RBFOX1: variants seen among roughly 807,000 people sequenced by gnomAD.
The protein encoded by RBFOX1 is RNA binding fox-1 homolog 1, also known as RNA binding protein fox-1 homolog 1.
A neutral mutation model predicts 57.7 loss-of-function variants in RBFOX1; 8 were observed. That is an observed-to-expected ratio of 0.14 (90% CI 0.08 to 0.25). The LOEUF (loss-of-function observed/expected upper bound fraction) is 0.25. RBFOX1 is among the 10% of genes least tolerant of loss of function. RBFOX1 has a pLI of 1.00. For missense variants in RBFOX1, 611 were observed against 548.5 expected (o/e 1.11, Z -1.14); for synonymous variants, 326 against 222.4 (o/e 1.47, Z -4.15).
chr16:6,578,711 A>G (rs1334060209), intron 2 of RBFOX1, among the ~76,000 whole-genome samples: 2 of 151,866 alleles, frequency 1.3e-5, no homozygotes, highest in East Asian at 3.9e-4. Context: ...AAGAAACAGA[A>G]TATTTTCCAT....
intron 3 of RBFOX1, among the ~76,000 whole-genome samples, chr16:5,847,131 T>A (rs367684827): frequency 6.6e-6 from 1 of 152,062 alleles, no homozygotes; most frequent in Non-Finnish European, 1.5e-5. Flanking sequence ...TGGAAGTCAT[T>A]TGAAGAATGA....
chr16:5,693,115 G>C (rs945843585), intron 3 of RBFOX1, among the ~76,000 whole-genome samples: 2 of 152,120 alleles, frequency 1.3e-5, no homozygotes, highest in African/African-American at 4.8e-5. Flanking sequence ...GGACAGACGT[G>C]GGTGTGAGCA....
chr16:6,342,619 G>C (rs1036773386), intron 2 of RBFOX1, among the ~76,000 whole-genome samples: 2 of 152,132 alleles, frequency 1.3e-5, no homozygotes, highest in African/African-American at 4.8e-5. Flanking sequence ...GTCTATTAGA[G>C]AGTTAGGTAT....
intron 1 of RBFOX1, among the ~76,000 whole-genome samples, chr16:5,449,683 A>C (rs1054835237): frequency 6.6e-6 from 1 of 152,188 alleles, no homozygotes; most frequent in African/African-American, 2.4e-5. Flanking sequence ...ATCACAGCTC[A>C]CTGCAACCGC....
intron 4 of RBFOX1, among the ~76,000 whole-genome samples, chr16:7,129,570 G>C (rs2069630537): frequency 6.6e-6 from 1 of 151,932 alleles, no homozygotes; most frequent in South Asian, 2.1e-4. Context: ...TATCTCCTGG[G>C]GAAAAAAATT....
chr16:5,520,745 C>G (rs74004367), intron 2 of RBFOX1, among the ~76,000 whole-genome samples: 1,951 of 152,326 alleles, frequency 0.013, 50 homozygotes, highest in African/African-American at 0.045. Context: ...TCTTTATTGT[C>G]AGACTTAGGC....
At chr16:7,667,939 G>A (rs1403419684) in intron 13 of RBFOX1, among the ~76,000 whole-genome samples, 1 of 152,134 alleles carries the variant, frequency 6.6e-6, no homozygotes, top group Non-Finnish European at 1.5e-5. Flanking sequence ...CTCCCAAAGT[G>A]CTACGATTAC....
chr16:6,431,551 G>C (rs1051964084), intron 2 of RBFOX1, among the ~76,000 whole-genome samples: 1 of 151,916 alleles, frequency 6.6e-6, no homozygotes, highest in Admixed American at 6.6e-5. Flanking sequence ...GATAAAACAG[G>C]GGCTCCGAGG....
intron 4 of RBFOX1, among the ~76,000 whole-genome samples, chr16:7,286,465 T>C (rs1482047654): frequency 2.0e-5 from 3 of 150,066 alleles, no homozygotes; most frequent in Non-Finnish European, 4.4e-5. Context: ...TTTTTTTTTT[T>C]TTGAGATGGA....
intron 3 of RBFOX1, among the ~76,000 whole-genome samples, chr16:5,616,815 C>T (rs1038160804): frequency 2.0e-5 from 3 of 149,830 alleles, no homozygotes; most frequent in African/African-American, 4.9e-5. Context: ...TCCCCCTCCT[C>T]CATCCTCTTC....
At chr16:6,900,379 T>C (rs1293588133) in intron 3 of RBFOX1, among the ~76,000 whole-genome samples, 2 of 152,182 alleles carry the variant, frequency 1.3e-5, no homozygotes, top group Admixed American at 6.5e-5. Context: ...CCTCTATCCA[T>C]GCTCCCATCA....
At chr16:5,722,445 T>C (rs970256452) in intron 3 of RBFOX1, among the ~76,000 whole-genome samples, 6 of 152,188 alleles carry the variant, frequency 3.9e-5, no homozygotes, top group African/African-American at 1.4e-4. Flanking sequence ...CTGCACACAT[T>C]TGCTGTAGAG....
At chr16:5,903,731 C>T (rs950058775) in intron 4 of RBFOX1, among the ~76,000 whole-genome samples, 12 of 152,170 alleles carry the variant, frequency 7.9e-5, no homozygotes, top group Non-Finnish European at 1.5e-5. Flanking sequence ...TGTCTCTCCT[C>T]CTCCCACCCC....
chr16:6,005,375 G>A (rs550569648), intron 4 of RBFOX1, among the ~76,000 whole-genome samples: 18 of 152,210 alleles, frequency 1.2e-4, no homozygotes, highest in Admixed American at 1.1e-3. Flanking sequence ...TTGAGCATCT[G>A]CTATGGGCCA....
intron 1 of RBFOX1, among the ~76,000 whole-genome samples, chr16:6,033,073 G>A (rs897784498): frequency 6.6e-6 from 1 of 152,112 alleles, no homozygotes; most frequent in African/African-American, 2.4e-5. Context: ...GAGTTGTGAT[G>A]AGAAACTCTT....
chr16:5,708,555 A>T (rs1305308835), intron 3 of RBFOX1, among the ~76,000 whole-genome samples: 3 of 152,180 alleles, frequency 2.0e-5, no homozygotes, highest in Admixed American at 1.3e-4. Flanking sequence ...TGAAAACAGA[A>T]TCCTGCTTTA....
intron 10 of RBFOX1, among the ~76,000 whole-genome samples, chr16:7,617,094 A>C (rs2058570188): frequency 2.0e-5 from 3 of 152,202 alleles, no homozygotes; most frequent in African/African-American, 7.2e-5. Context: ...GGGTAGCTTG[A>C]CTGTAAGAAA....
chr16:6,233,905 G>C (rs2097485319), intron 1 of RBFOX1, among the ~76,000 whole-genome samples: 1 of 152,146 alleles, frequency 6.6e-6, no homozygotes, highest in African/African-American at 2.4e-5. Flanking sequence ...TAGAATACCT[G>C]AGACTGAGTA....
At chr16:5,516,286 T>A (rs1186119345) in intron 2 of RBFOX1, among the ~76,000 whole-genome samples, 1 of 152,146 alleles carries the variant, frequency 6.6e-6, no homozygotes, top group Non-Finnish European at 1.5e-5. Context: ...TTCCATCACT[T>A]CCTGTCTCCC....
Sources: gnomAD v4.1 joint callset for allele counts (sites outside exome capture counted in the v4.1 genomes callset) on GRCh38, gnomAD v4.1.1 for gene constraint, MANE v1.5 for transcripts, NCBI Gene and HGNC (gene_info 2026-07-23, HGNC 2026-07-21) for gene names.